Variants in SAMMSON observed in about 807,000 individuals in gnomAD.
SAMMSON encodes the protein survival associated mitochondrial melanoma specific oncogenic non-coding RNA, also known as long intergenic non-protein coding RNA 1212.
chr3:70,281,158 C>T (rs1453265506), intron 6 of SAMMSON, among the ~76,000 whole-genome samples: 1 of 152,124 alleles, frequency 6.6e-6, no homozygotes, highest in Non-Finnish European at 1.5e-5. Context: ...GAAATTTTCT[C>T]TTGGCCCCTA....
intron 4 of SAMMSON, among the ~76,000 whole-genome samples, chr3:70,181,294 A>G (rs1701051824): frequency 2.0e-5 from 3 of 152,204 alleles, no homozygotes; most frequent in Admixed American, 2.0e-4. Flanking sequence ...GAGGACATTT[A>G]TATTTTAACA....
At chr3:70,040,442 A>G (rs1193583425) in intron 3 of SAMMSON, among the ~76,000 whole-genome samples, 1 of 152,196 alleles carries the variant, frequency 6.6e-6, no homozygotes, top group Non-Finnish European at 1.5e-5. Context: ...CTAAGTTTGT[A>G]TCAGGAAGTA....
chr3:70,191,370 T>G (rs1339643087), intron 4 of SAMMSON, among the ~76,000 whole-genome samples: 5 of 152,210 alleles, frequency 3.3e-5, no homozygotes, highest in African/African-American at 1.2e-4. Flanking sequence ...AAACAATTCA[T>G]GCTCCTAGAA....
At chr3:70,292,332 G>C (rs548033406) in intron 7 of SAMMSON, among the ~76,000 whole-genome samples, 1 of 152,202 alleles carries the variant, frequency 6.6e-6, no homozygotes, top group African/African-American at 2.4e-5. Flanking sequence ...TGGAGTCTCT[G>C]AGAGCCATTA....
intron 4 of SAMMSON, among the ~76,000 whole-genome samples, chr3:70,176,417 T>A (rs1476106733): frequency 2.0e-5 from 3 of 152,200 alleles, no homozygotes; most frequent in Non-Finnish European, 2.9e-5. Flanking sequence ...GATGACATCA[T>A]CATTTGAGAG....
chr3:70,027,665 T>A (rs1249301148), intron 3 of SAMMSON, among the ~76,000 whole-genome samples: 3 of 152,196 alleles, frequency 2.0e-5, no homozygotes, highest in African/African-American at 7.2e-5. Flanking sequence ...ATCTATGCAT[T>A]TATTCTCTTA....
chr3:70,232,645 G>T (rs999400233), intron 4 of SAMMSON, among the ~76,000 whole-genome samples: 3 of 151,962 alleles, frequency 2.0e-5, no homozygotes, highest in African/African-American at 7.3e-5. Context: ...TGATCCGCCC[G>T]CCTCAGCCTC....
At position 70,028,190 on chromosome 3, in the gene SAMMSON, T is replaced by TTCCTTC. The variant is rs1559776290; in HGVS notation, n.417+14518_417+14519insTCCTTC. Among the ~76,000 whole-genome samples, 170 of 143,502 alleles carry TTCCTTC rather than the reference T, an allele frequency of 1.2e-3. 1 individual carries two copies. Among genetic ancestry groups the TTCCTTC allele is most frequent in the African/African-American group, 4.7e-3 (165 of 35,080 alleles). The allele number at this position is 143,502 out of a possible 152,430, so 94.1% of individuals were successfully genotyped here. On this transcript the variant is annotated intron_variant and non_coding_transcript_variant, in intron 3 of 9. Transcript: ENST00000642114. ...TCCTTCCTTCCTTCCTTCCTTCCTTTCTTTCTTTCTTTCTCTCTTTCTTTC... is the reference window on the plus strand; with the variant it reads ...TCCTTCCTTCCTTCCTTCCTTCCTTTTCCTTCCTTTCTTTCTTTCTCTCTTTCTTTC...
intron 9 of SAMMSON, among the ~76,000 whole-genome samples, chr3:70,369,937 C>T (rs1317179146): frequency 6.6e-6 from 1 of 151,766 alleles, no homozygotes; most frequent in Non-Finnish European, 1.5e-5. Flanking sequence ...GTAGTTTGTA[C>T]CCATTAACCA....
At chr3:70,073,726 T>C (rs1456924457) in intron 4 of SAMMSON, among the ~76,000 whole-genome samples, 1 of 152,198 alleles carries the variant, frequency 6.6e-6, no homozygotes, top group Non-Finnish European at 1.5e-5. Context: ...AAACTCATTT[T>C]TTAAAAGAGA....
At chr3:70,342,500 C>T (rs1373220258) in intron 7 of SAMMSON, among the ~76,000 whole-genome samples, 3 of 152,078 alleles carry the variant, frequency 2.0e-5, no homozygotes, top group Non-Finnish European at 4.4e-5. Context: ...TATATTCATT[C>T]CAAAGTATTT....
At chr3:70,118,143 C>T (rs1286919287) in intron 4 of SAMMSON, among the ~76,000 whole-genome samples, 1 of 152,008 alleles carries the variant, frequency 6.6e-6, no homozygotes, top group Non-Finnish European at 1.5e-5. Context: ...AGGATGGTCT[C>T]GATCTCCTGA....
In SAMMSON at chr3:70,337,209, A is replaced by C. The variant is rs927077903; in HGVS notation, n.740-16966A>C. 4.1e-5 allele frequency among the ~76,000 whole-genome samples: 6 copies of C among 147,918 alleles called. No homozygotes were observed. The South Asian group carries it at 1.1e-3, about 26-fold the overall frequency. On this transcript the variant is annotated intron_variant and non_coding_transcript_variant, in intron 7 of 9. Transcript: ENST00000642114. ...TATGTAACTTAATAATATATAATCT[A>C]ACTTAATAATATCTAACTTAATATC...
intron 4 of SAMMSON, among the ~76,000 whole-genome samples, chr3:70,164,552 T>G (rs958626265): frequency 4.6e-5 from 7 of 152,056 alleles, no homozygotes; most frequent in African/African-American, 1.7e-4. Flanking sequence ...TTTTACCAGG[T>G]AGCTCCTGAC....
chr3:70,372,797 G>A (rs1430635680), intron 9 of SAMMSON, among the ~76,000 whole-genome samples: 1 of 152,102 alleles, frequency 6.6e-6, no homozygotes, highest in Non-Finnish European at 1.5e-5. Context: ...GTATGTTTAA[G>A]TATAATTCTT....
At chr3:70,200,950 T>A (rs535244775) in intron 4 of SAMMSON, among the ~76,000 whole-genome samples, 1 of 151,584 alleles carries the variant, frequency 6.6e-6, no homozygotes, top group East Asian at 2.0e-4. Context: ...TCTACAGCCC[T>A]CTATACTTTT....
At chr3:70,280,532 T>A (rs186923770) in intron 6 of SAMMSON, among the ~76,000 whole-genome samples, 9 of 152,294 alleles carry the variant, frequency 5.9e-5, no homozygotes, top group Admixed American at 5.9e-4. Context: ...GCATTATCTC[T>A]ACTTTTGCCT....
intron 3 of SAMMSON, among the ~76,000 whole-genome samples, chr3:70,062,092 T>G (rs1311575730): frequency 6.6e-6 from 1 of 152,112 alleles, no homozygotes; most frequent in Non-Finnish European, 1.5e-5. Context: ...TTTTCTTCTC[T>G]CTAAGCACAT....
At chr3:70,142,589 A>G (rs906157642) in intron 4 of SAMMSON, among the ~76,000 whole-genome samples, 3 of 152,134 alleles carry the variant, frequency 2.0e-5, no homozygotes, top group African/African-American at 7.2e-5. Flanking sequence ...GGTGCAGTGT[A>G]TACTGCTCGG....
Sources: gnomAD v4.1 joint callset for allele counts (sites outside exome capture counted in the v4.1 genomes callset) on GRCh38, gnomAD v4.1.1 for gene constraint, MANE v1.5 for transcripts, NCBI Gene and HGNC (gene_info 2026-07-23, HGNC 2026-07-21) for gene names.